The following SEL1L2 variants were observed in gnomAD, a reference collection of about 807,000 sequenced individuals.
The protein encoded by SEL1L2 is SEL1L2 adaptor subunit of SYVN1 ubiquitin ligase.
SEL1L2 carries 89 observed loss-of-function variants against 98.8 expected under a neutral mutation model. The observed-to-expected ratio is 0.90, with a 90% CI of 0.76 to 1.07. The LOEUF is 1.07. Ranked by LOEUF, SEL1L2 falls within the 50% of genes least tolerant of loss-of-function variation. SEL1L2 has a pLI of 0.00. For synonymous variants in SEL1L2, 262 were observed against 278.5 expected, an observed-to-expected ratio of 0.94 and a Z score of 0.59; for missense variants, 788 against 812.0, an observed-to-expected ratio of 0.97 and a Z score of 0.36.
chr20:13,989,851 T>C (rs2052455165), intron 1 of SEL1L2, among the ~76,000 whole-genome samples: 1 of 152,160 alleles, frequency 6.6e-6, no homozygotes, highest in Non-Finnish European at 1.5e-5. Flanking sequence ...GAACCTGGGC[T>C]GTGGCAGTGA....
chr20:13,913,917 A>C lies in SEL1L2; in HGVS notation c.414T>G (p.Ala138=), dbSNP rs763933692. The C allele has an allele frequency of 6.4e-6, 10 of 1,563,326 alleles. No homozygotes were observed. The highest frequency in any genetic ancestry group is 8.6e-6 in the Non-Finnish European group (10 of 1,163,722). Residue 138 remains alanine, a synonymous_variant, in exon 5 of 20, where the codon GCT becomes GCG. Transcript: ENST00000284951. ...CCATAGCTTTCAAGTTTCCCATGTC[A>C]GCTGCTTTGGCAAAAAGTAGGTAGG... ...EEAYLLFAKA[A]DMGNLKAMEK... is the part of the protein sequence containing the mutation.
At chr20:13,853,960 T>A (rs573860771) in intron 18 of SEL1L2, among the ~76,000 whole-genome samples, 2 of 152,362 alleles carry the variant, frequency 1.3e-5, no homozygotes, top group African/African-American at 4.8e-5. Context: ...AGATGATAGA[T>A]GTTTATTTCA....
At chr20:13,894,543 G>A (rs188607157) in intron 5 of SEL1L2, among the ~76,000 whole-genome samples, 80 of 152,238 alleles carry the variant, frequency 5.3e-4, no homozygotes, top group Admixed American at 2.7e-3. Context: ...CTGGGCAACA[G>A]AGCAAGACTT....
intron 3 of SEL1L2, among the ~76,000 whole-genome samples, chr20:13,923,970 A>G (rs6135021): frequency 0.026 from 3,989 of 152,174 alleles, 94 homozygotes; most frequent in South Asian, 0.11. Context: ...TTAATTTTTC[A>G]TTTTTATATT....
intron 9 of SEL1L2, among the ~76,000 whole-genome samples, chr20:13,885,736 T>A (rs2046920029): frequency 1.3e-5 from 2 of 152,166 alleles, no homozygotes; most frequent in South Asian, 2.1e-4. Flanking sequence ...AGTTTATTCA[T>A]ACTAAAACCA....
chr20:13,853,023 C>T (rs1478919268), intron 18 of SEL1L2, among the ~76,000 whole-genome samples: 1 of 152,068 alleles, frequency 6.6e-6, no homozygotes, highest in East Asian at 1.9e-4. Flanking sequence ...TCTCACTGTA[C>T]AGAGATAACT....
chr20:13,914,173 T>C (rs947593817), intron 4 of SEL1L2, among the ~76,000 whole-genome samples: 2 of 152,082 alleles, frequency 1.3e-5, no homozygotes, highest in Non-Finnish European at 2.9e-5. Context: ...AAAGGAGAAA[T>C]ATATAACATA....
intron 1 of SEL1L2, among the ~76,000 whole-genome samples, chr20:13,960,653 A>G (rs984827567): frequency 2.6e-5 from 4 of 152,176 alleles, no homozygotes; most frequent in African/African-American, 9.6e-5. Context: ...ATAATACTTT[A>G]GAGTAGCTTG....
intron 1 of SEL1L2, among the ~76,000 whole-genome samples, chr20:13,978,734 T>A (rs926392214): frequency 6.6e-6 from 1 of 151,896 alleles, no homozygotes; most frequent in East Asian, 1.9e-4. Context: ...AATAAAAATA[T>A]ACACAATGAA....
rs547066356 is a variant in SEL1L2 at position 13,882,342 on chromosome 20, C to T, written c.957+3005G>A. On this transcript the variant is annotated intron_variant, in intron 10 of 19. Coordinates refer to ENST00000284951, the MANE Select transcript of SEL1L2 (RefSeq NM_025229.2). ...TGACCACAGTACTTTGCAGCTCTGC[C>T]CATTGAGAGGAGAAGCCCATTTCCC... Among the ~76,000 whole-genome samples, 12 of 152,268 alleles carry T rather than the reference C, an allele frequency of 7.9e-5. 1 individual carries two copies. The South Asian group carries it at 1.9e-3, about 24-fold the overall frequency.
intron 2 of SEL1L2, among the ~76,000 whole-genome samples, chr20:13,948,750 G>A (rs1334141668): frequency 2.0e-5 from 3 of 152,174 alleles, no homozygotes; most frequent in Non-Finnish European, 4.4e-5. Context: ...AGGCCCTACT[G>A]CATGCCACAC....
At chr20:13,907,746 CT>C (rs1254633618) in intron 5 of SEL1L2, among the ~76,000 whole-genome samples, 84 of 83,418 alleles carry the variant, frequency 1.0e-3, no homozygotes, top group African/African-American at 2.6e-3. Context: ...TTCTTTCTTT[CT>C]TTTCTTTTCT....
At chr20:13,915,669 A>G (rs2048373405) in intron 4 of SEL1L2, among the ~76,000 whole-genome samples, 1 of 152,182 alleles carries the variant, frequency 6.6e-6, no homozygotes, top group Non-Finnish European at 1.5e-5. Flanking sequence ...GGTGTCTTGC[A>G]TTCCAAGGGC....
chr20:13,953,826 A>T (rs2050389719), intron 2 of SEL1L2, among the ~76,000 whole-genome samples: 1 of 152,064 alleles, frequency 6.6e-6, no homozygotes, highest in South Asian at 2.1e-4. Context: ...CCCTGTTTTT[A>T]GCTGAACTAA....
At chr20:13,993,813 T>C (rs917656798), upstream of SEL1L2, among the ~76,000 whole-genome samples, 2 of 152,220 alleles carry the variant, frequency 1.3e-5, no homozygotes, top group East Asian at 3.8e-4. Flanking sequence ...ATGTTTTTCT[T>C]TTCTTCCTCA....
At chr20:13,970,011 A>C (rs1600978480) in intron 1 of SEL1L2, among the ~76,000 whole-genome samples, 1 of 150,636 alleles carries the variant, frequency 6.6e-6, no homozygotes, top group African/African-American at 2.5e-5. Flanking sequence ...TCTCTGAAGA[A>C]AGTGCTCCAT....
intron 1 of SEL1L2, among the ~76,000 whole-genome samples, chr20:13,987,310 TG>T (rs1296015336): frequency 9.3e-5 from 5 of 53,826 alleles, no homozygotes; most frequent in Admixed American, 7.2e-4. Flanking sequence ...GTTAATTTAC[TG>T]TTTTTTTTTT....
At chr20:13,994,505 C>T (rs1569103882), upstream of SEL1L2, among the ~76,000 whole-genome samples, 1 of 152,056 alleles carries the variant, frequency 6.6e-6, no homozygotes, top group African/African-American at 2.4e-5. Context: ...AGTACCCAAA[C>T]TGCCAAATAA....
intron 2 of SEL1L2, among the ~76,000 whole-genome samples, chr20:13,933,390 A>G (rs2049246034): frequency 6.6e-6 from 1 of 152,122 alleles, no homozygotes; most frequent in Non-Finnish European, 1.5e-5. Flanking sequence ...AGAAAAAACC[A>G]CAAATCCTTT....
Sources: gnomAD v4.1 joint callset for allele counts (sites outside exome capture counted in the v4.1 genomes callset) on GRCh38, gnomAD v4.1.1 for gene constraint, MANE v1.5 for transcripts, NCBI Gene and HGNC (gene_info 2026-07-23, HGNC 2026-07-21) for gene names.